ZNF541: variants seen among roughly 807,000 people sequenced by gnomAD.
The protein encoded by ZNF541 is zinc finger protein 541.
ZNF541 carries 23 observed loss-of-function variants against 123.5 expected under a neutral mutation model. The ratio of observed to expected loss-of-function variants is 0.19; its 90% CI spans 0.13 to 0.26. ZNF541 has a LOEUF of 0.26. Among genes scored for constraint, ZNF541 ranks in the 10% least tolerant of loss-of-function variants. The probability of loss-of-function intolerance (pLI) is 1.00; values close to 1 mark genes in which losing one functional copy is unlikely to be tolerated. For missense variants in ZNF541, 1,612 were observed against 1,789.9 expected (o/e 0.90, Z 1.79); for synonymous variants, 751 against 754.5 (o/e 1.00, Z 0.08).
chr19:47,532,177 G>A lies in ZNF541; in HGVS notation c.3252C>T (p.Val1084=). The A allele has an allele frequency of 6.4e-7, 1 of 1,551,750 alleles. No homozygotes were observed. The change falls in exon 11 of 17, where the codon GTC becomes GTT. Residue 1084 remains valine, a synonymous_variant. Transcript: ENST00000391901. Reference sequence around the variant, plus strand: ...TCATCATATCTCCCCATGGCTTCCAGACCAGAGAAGCTACATGCTCGTCAG... The same window carrying A: ...TCATCATATCTCCCCATGGCTTCCAAACCAGAGAAGCTACATGCTCGTCAG... ...AGTDEHVASL[V]WKPWGDMMIS...
chr19:47,532,387 TCTG>T (rs1195052796), intron 10 of ZNF541, 117 bp from the exon 11 acceptor site: 1 of 1,211,346 alleles, frequency 8.3e-7, no homozygotes, highest in African/African-American at 1.5e-5. Context: ...ATGGAAACCC[TCTG>T]CTGTCTCAGG....
chr19:47,552,572 T>C (rs1340983640), intron 3 of ZNF541, among the ~76,000 whole-genome samples: 1 of 151,520 alleles, frequency 6.6e-6, no homozygotes, highest in East Asian at 1.9e-4. Flanking sequence ...TGAAACCCCG[T>C]CTCTACTAAA....
chr19:47,567,297 A>G (rs1599745926), intron 2 of ZNF541, among the ~76,000 whole-genome samples: 1 of 152,250 alleles, frequency 6.6e-6, no homozygotes, highest in East Asian at 1.9e-4. Context: ...TCACTGTGTC[A>G]CCCAGGCTGG....
intron 14 of ZNF541, among the ~76,000 whole-genome samples, chr19:47,525,565 C>T (rs1969248227): frequency 6.6e-6 from 1 of 152,098 alleles, no homozygotes; most frequent in South Asian, 2.1e-4. Context: ...ACACCATATA[C>T]AAAAATTAAC....
chr19:47,568,132 A>C (rs1210277782), intron 2 of ZNF541, among the ~76,000 whole-genome samples: 1 of 152,098 alleles, frequency 6.6e-6, no homozygotes, highest in African/African-American at 2.4e-5. Context: ...CATGAGTGAC[A>C]GAATTCCATT....
chr19:47,556,506 C>T (rs1360678083), intron 2 of ZNF541, among the ~76,000 whole-genome samples: 1 of 152,126 alleles, frequency 6.6e-6, no homozygotes, highest in Admixed American at 6.6e-5. Flanking sequence ...TATGGGGTCT[C>T]ACCATGTTGC....
chr19:47,555,522 G>C, intron 3 of ZNF541, 28 bp downstream of exon 3: 2 of 1,503,528 alleles, frequency 1.3e-6, no homozygotes, highest in Non-Finnish European at 8.9e-7. Flanking sequence ...CATCCTGCAG[G>C]GCCCTTCTAC....
intron 2 of ZNF541, among the ~76,000 whole-genome samples, chr19:47,563,022 T>C (rs1971125646): frequency 6.6e-6 from 1 of 152,244 alleles, no homozygotes; most frequent in Non-Finnish European, 1.5e-5. Flanking sequence ...ACTAGATTTC[T>C]AGGCCACCAG....
At chr19:47,568,295 G>C (rs780243357) in intron 2 of ZNF541, among the ~76,000 whole-genome samples, 2 of 152,140 alleles carry the variant, frequency 1.3e-5, no homozygotes, top group Non-Finnish European at 2.9e-5. Context: ...CCTGGGAGTT[G>C]AGCAGACAGA....
chr19:47,544,178 C>A lies in ZNF541; in HGVS notation c.2351G>T (p.Gly784Val), dbSNP rs1970203063. The change falls in exon 5 of 17, where the codon GGG becomes GTG. Residue 784 changes from glycine to valine, a missense_variant. Gly to Val is a moderately radical substitution (Grantham distance 109). Coordinates refer to ENST00000391901, the MANE Select transcript of ZNF541 (RefSeq NM_001277075.3). ...GGACTTGGAGGGATCTGCCGGGGGC[C>A]CGGCCGATGAGAAGGAGGCCATGGC... ...QVAMASFSSA[G>V]PPADPSKSKL... is the part of the protein sequence containing the mutation. 1 of 1,551,294 alleles carries A rather than the reference C, an allele frequency of 6.4e-7. No individual in the cohort carries two copies. Among genetic ancestry groups the A allele is most frequent in the African/African-American group, 1.4e-5 (1 of 73,070 alleles).
Position 47,555,709 on chromosome 19 carries a change from T to C in ZNF541, c.148A>G (p.Ser50Gly). 2 of 1,551,716 alleles carry C rather than the reference T, an allele frequency of 1.3e-6. No homozygotes were observed. The highest frequency in any genetic ancestry group is 1.7e-6 in the Non-Finnish European group (2 of 1,147,008). ...NTRGFLYAGL[S>G]GLDPDPSLPT... The stretch of plus-strand genomic sequence containing the variant: ...AGGCTGGGGTCCGGGTCCAGACCAC[T>C]CAGGCCAGCATAAAGAAAGCCTCGC... The change falls in exon 3 of 17, where the codon AGT becomes GGT. Residue 50 changes from serine (S) to glycine (G), a missense_variant. Ser to Gly is a moderately conservative substitution (Grantham distance 56). Coordinates refer to ENST00000391901, the MANE Select transcript of ZNF541 (RefSeq NM_001277075.3).
At chr19:47,541,283 T>C (rs1472980009) in intron 5 of ZNF541, among the ~76,000 whole-genome samples, 3 of 152,064 alleles carry the variant, frequency 2.0e-5, no homozygotes, top group Non-Finnish European at 4.4e-5. Context: ...CCTGGCATAC[T>C]GGCATGGGCC....
chr19:47,523,101 T>C (rs1006643185), intron 14 of ZNF541, among the ~76,000 whole-genome samples: 1 of 150,964 alleles, frequency 6.6e-6, no homozygotes, highest in African/African-American at 2.4e-5. Flanking sequence ...TTTTTTTTTT[T>C]CACTGCAACC....
At chr19:47,559,849 CAAA>C (rs36037649) in intron 2 of ZNF541, among the ~76,000 whole-genome samples, 5 of 86,926 alleles carry the variant, frequency 5.8e-5, no homozygotes, top group East Asian at 3.3e-4. Context: ...GACTCTGTCT[CAAA>C]AAAAAAAAAA....
rs752671334 is a variant in ZNF541, at chr19:47,544,992, A to G, written c.1537T>C (p.Cys513Arg). 22 of 1,527,370 alleles carry G rather than the reference A, an allele frequency of 1.4e-5. No individual in the cohort carries two copies. The East Asian group carries it at 4.4e-4, about 31-fold the overall frequency. The allele number at this position is 1,527,370 out of a possible 1,614,324, so 94.6% of individuals were successfully genotyped here. A position where few individuals can be genotyped will look rare whatever the true frequency, so the allele number is the denominator to read the frequency against. ...AGGCCGGGCTCCCCGGGGTTCTGGCACAGGAAGGAGTCGCAGTCGACCTTG... is the reference window on the plus strand; with the variant it reads ...AGGCCGGGCTCCCCGGGGTTCTGGCGCAGGAAGGAGTCGCAGTCGACCTTG... ...KVKVDCDSFL[C>R]QNPGEPGLQE... The change falls in exon 5 of 17, where the codon TGC (cysteine) becomes CGC (arginine). Residue 513 changes from cysteine to arginine, a missense_variant. Physicochemically the swap from Cys to Arg is radical, Grantham distance 180 (BLOSUM62 -3). This residue lies in a region of ZNF541 where 1,080 missense variants were observed against 1,013.8 expected (regional missense o/e 1.07). Coordinates refer to ENST00000391901, the MANE Select transcript of ZNF541 (RefSeq NM_001277075.3).
intron 4 of ZNF541, among the ~76,000 whole-genome samples, chr19:47,546,669 A>T (rs998446429): frequency 6.6e-6 from 1 of 152,216 alleles, no homozygotes; most frequent in Non-Finnish European, 1.5e-5. Flanking sequence ...TAAGTTTTGA[A>T]AAAACACCAT....
rs528339537 is a variant in ZNF541 at position 47,569,052 on chromosome 19, AT to A, written c.-99+2843del. Among the ~76,000 whole-genome samples the A allele has an allele frequency of 5.8e-3, 867 of 150,266 alleles. 5 individuals are homozygous for A. The highest frequency in any genetic ancestry group is 0.011 in the African/African-American group (437 of 41,050). On this transcript the variant is annotated intron_variant, in intron 2 of 16. Transcript: ENST00000391901. ...TTTACAAATTGGATTAGTCATCAACATTTTTTTTTAATGGGGAGATTTCACC... is the reference window on the plus strand; with the variant it reads ...TTTACAAATTGGATTAGTCATCAACATTTTTTTTAATGGGGAGATTTCACC...
Position 47,538,333 on chromosome 19 carries a change from C to T in ZNF541, c.2903G>A (p.Gly968Glu), listed in dbSNP as rs751874984. The T allele has an allele frequency of 1.4e-4, 220 of 1,541,856 alleles. No individual in the cohort carries two copies. Among genetic ancestry groups the T allele is most frequent in the Non-Finnish European group, 1.7e-4 (194 of 1,141,362 alleles). Reference protein sequence around the residue: ...PSTAGEPGPAGCHQSRLRSPM... With the variant: ...PSTAGEPGPAECHQSRLRSPM... Reference sequence around the variant, plus strand: ...TGACCGCAGGCGGCTCTGGTGGCATCCTGCAGGGCCAGGCTCCCCAGCCGT... The same window carrying T: ...TGACCGCAGGCGGCTCTGGTGGCATTCTGCAGGGCCAGGCTCCCCAGCCGT... The change falls in exon 9 of 17, where the codon GGA (glycine) becomes GAA (glutamate). Residue 968 changes from glycine (G) to glutamate (E), a missense_variant. Gly to Glu is a moderately conservative substitution (Grantham distance 98). Transcript: ENST00000391901.
intron 2 of ZNF541, among the ~76,000 whole-genome samples, 111 bp from the exon 3 acceptor site, chr19:47,556,065 A>C (rs560371087): frequency 6.6e-6 from 1 of 152,324 alleles, no homozygotes; most frequent in East Asian, 1.9e-4. Context: ...TCTCTGCCTC[A>C]TAACAGCCAT....
Sources: allele counts gnomAD v4.1 joint callset (sites outside exome capture counted in the v4.1 genomes callset), GRCh38; gene constraint gnomAD v4.1.1; regional missense constraint gnomAD v4.1.1; transcripts MANE v1.5; gene names NCBI Gene and HGNC (gene_info 2026-07-23, HGNC 2026-07-21).